SPTB: variants seen among roughly 807,000 people sequenced by gnomAD.
SPTB encodes spectrin beta chain, erythrocytic.
A neutral mutation model predicts 256.2 loss-of-function variants in SPTB; 45 were observed. The ratio of observed to expected loss-of-function variants is 0.18; its 90% CI spans 0.14 to 0.23. The LOEUF is 0.23. SPTB is among the 10% of genes least tolerant of loss of function. The pLI is 1.00. For synonymous variants in SPTB, 1,231 were observed against 1,243.1 expected, an observed-to-expected ratio of 0.99 and a Z score of 0.21; for missense variants, 2,715 against 3,040.4, an observed-to-expected ratio of 0.89 and a Z score of 2.52.
At chr14:64,822,710 C>T (rs1482851982) in intron 2 of SPTB, among the ~76,000 whole-genome samples, 2 of 152,314 alleles carry the variant, frequency 1.3e-5, no homozygotes, top group Middle Eastern at 3.4e-3. Flanking sequence ...AGGCAGAGGG[C>T]AGGCCCCACC....
intron 8 of SPTB, among the ~76,000 whole-genome samples, chr14:64,800,340 T>C (rs2139623298): frequency 6.6e-6 from 1 of 152,358 alleles, no homozygotes; most frequent in Non-Finnish European, 1.5e-5. Flanking sequence ...TGAGAAATGG[T>C]ACCTATACTC....
chr14:64,877,110 C>T (rs1278206245), intron 1 of SPTB, among the ~76,000 whole-genome samples: 10 of 151,592 alleles, frequency 6.6e-5, no homozygotes, highest in African/African-American at 2.4e-4. Flanking sequence ...TCATCAAGCC[C>T]TCCTGGCCAC....
intron 2 of SPTB, among the ~76,000 whole-genome samples, chr14:64,822,401 C>CACACACAGAGCA (rs1555374137): frequency 7.3e-6 from 1 of 136,522 alleles, no homozygotes; most frequent in African/African-American, 2.9e-5. Flanking sequence ...CACACACACA[C>CACACACAGAGCA]AGAGAGATCT....
chr14:64,830,534 G>T lies in SPTB; in HGVS notation c.-51-7389C>A, dbSNP rs76389584. Among the ~76,000 whole-genome samples, 465 of 152,132 alleles carry T rather than the reference G, an allele frequency of 3.1e-3. 3 individuals carry two copies. Among genetic ancestry groups the T allele is most frequent in the African/African-American group, 0.01 (432 of 41,504 alleles). Reference sequence around the variant, plus strand: ...TGACCCACGCACTCAGTTATCCCATGTACATGTATTGAGTGTTTATTCAAT... The same window carrying T: ...TGACCCACGCACTCAGTTATCCCATTTACATGTATTGAGTGTTTATTCAAT... On this transcript the variant is annotated intron_variant, in intron 1 of 35. Transcript: ENST00000644917.
intron 1 of SPTB, among the ~76,000 whole-genome samples, chr14:64,850,393 T>A (rs915529617): frequency 6.6e-6 from 1 of 152,228 alleles, no homozygotes; most frequent in Non-Finnish European, 1.5e-5. Context: ...AGAACCACTG[T>A]AGTTGATTCA....
chr14:64,776,128 G>T (rs1230135869), intron 22 of SPTB, among the ~76,000 whole-genome samples: 1 of 152,054 alleles, frequency 6.6e-6, no homozygotes, highest in Admixed American at 6.6e-5. Flanking sequence ...TGGTGTGTGG[G>T]CTCCTGAGCT....
intron 1 of SPTB, among the ~76,000 whole-genome samples, chr14:64,854,393 C>T (rs1391394278): frequency 1.4e-5 from 2 of 147,948 alleles, no homozygotes; most frequent in Non-Finnish European, 3.0e-5. Context: ...ATTCTCCTGC[C>T]TCAGCCTCCC....
At chr14:64,768,568 C>A (rs34121764) in intron 29 of SPTB, among the ~76,000 whole-genome samples, 2 of 152,222 alleles carry the variant, frequency 1.3e-5, no homozygotes, top group African/African-American at 4.8e-5. Context: ...CAGCACCCAG[C>A]TGAAGGACGA....
intron 1 of SPTB, among the ~76,000 whole-genome samples, chr14:64,834,592 A>C (rs1280710392): frequency 6.6e-6 from 1 of 151,904 alleles, no homozygotes; most frequent in Non-Finnish European, 1.5e-5. Flanking sequence ...CACTTGGCTA[A>C]TTTTTGTATG....
intron 33 of SPTB, 97 bp downstream of exon 33, chr14:64,753,440 C>A: frequency 6.3e-7 from 1 of 1,587,622 alleles, no homozygotes; most frequent in Non-Finnish European, 8.6e-7. Flanking sequence ...AGGCACCCCT[C>A]CCCCAGCACA....
intron 32 of SPTB, among the ~76,000 whole-genome samples, chr14:64,763,293 C>T (rs1463718723): frequency 1.3e-5 from 2 of 152,240 alleles, no homozygotes; most frequent in African/African-American, 4.8e-5. Context: ...TGCCCACTGC[C>T]GAGGGCTCCC....
rs1433322481 is a variant in SPTB, at chr14:64,795,739, G to A, written c.1342-100C>T. The stretch of plus-strand genomic sequence containing the variant: ...GCTCCCTTCAGAACCAGTGCTAGAT[G>A]GGAAAGCACATTCCCAAGAAGCAGC... On this transcript the variant is annotated intron_variant, in intron 11 of 35. Transcript: ENST00000644917. This position sits in a 1 kb window ranked among gnomAD's most constrained non-coding sequence, Gnocchi z 6.5. The A allele has an allele frequency of 3.2e-6, 4 of 1,241,012 alleles. No homozygotes were observed. In the African/African-American group the frequency reaches 4.4e-5, roughly 14 times the overall value. 76.9% of individuals were successfully genotyped at this position (1,241,012 alleles called of 1,614,324 possible).
At chr14:64,849,963 T>C (rs1388623105) in intron 1 of SPTB, among the ~76,000 whole-genome samples, 1 of 152,162 alleles carries the variant, frequency 6.6e-6, no homozygotes, top group Non-Finnish European at 1.5e-5. Context: ...TGGCAGAGCT[T>C]AAAGCTGCAG....
Position 64,749,741 on chromosome 14 carries a change from G to A in SPTB, c.6777-45C>T, listed in dbSNP as rs546165250. 389 of 1,605,368 alleles carry A rather than the reference G, an allele frequency of 2.4e-4. 1 individual carries two copies. Among genetic ancestry groups the A allele is most frequent in the Admixed American group, 6.6e-4 (39 of 58,768 alleles). ...CCTGTCATGGAGACACCTCTGGAGGGGGCGCTGGGCAGAGGGCTGGCTCTG... is the reference window on the plus strand; with the variant it reads ...CCTGTCATGGAGACACCTCTGGAGGAGGCGCTGGGCAGAGGGCTGGCTCTG... On this transcript the variant is annotated intron_variant, in intron 34 of 35. Coordinates refer to ENST00000644917, the MANE Select transcript of SPTB (RefSeq NM_001355436.2). This position sits in a 1 kb window ranked among gnomAD's most constrained non-coding sequence, Gnocchi z 4.7.
chr14:64,776,246 C>G (rs1295785851), intron 22 of SPTB, among the ~76,000 whole-genome samples: 1 of 152,170 alleles, frequency 6.6e-6, no homozygotes, highest in African/African-American at 2.4e-5. Flanking sequence ...CAGTGATGGC[C>G]AGCATTTAAA....
chr14:64,838,509 T>C (rs1158185920), intron 1 of SPTB, among the ~76,000 whole-genome samples: 1 of 152,192 alleles, frequency 6.6e-6, no homozygotes, highest in African/African-American at 2.4e-5. Flanking sequence ...AAAGTAGTTG[T>C]ATTCAGAATA....
Position 64,767,873 on chromosome 14 carries a change from C to G in SPTB, c.6023-14G>C. 6.2e-7 allele frequency: 1 copy of G among 1,613,196 alleles called. No individual in the cohort carries two copies. The highest frequency in any genetic ancestry group is 8.5e-7 in the Non-Finnish European group (1 of 1,179,728). ...ACACCTCCAGCACTGCCAGGGGGAACAGGACACAGACCCCCCACAAGGCCC... is the reference window on the plus strand; with the variant it reads ...ACACCTCCAGCACTGCCAGGGGGAAGAGGACACAGACCCCCCACAAGGCCC... On this transcript the variant is annotated splice_polypyrimidine_tract_variant and intron_variant, in intron 29 of 35. Transcript: ENST00000644917.
At chr14:64,750,197 G>GTATC (rs2081923722) in intron 33 of SPTB, 43 bp from the exon 34 acceptor site, 1 of 1,598,112 alleles carries the variant, frequency 6.3e-7, no homozygotes, top group African/African-American at 1.3e-5. Context: ...TCCTGATATG[G>GTATC]TATCTCTAGA....
intron 32 of SPTB, among the ~76,000 whole-genome samples, chr14:64,765,019 T>TGTGTGC (rs1374931597): frequency 6.7e-5 from 7 of 103,858 alleles, no homozygotes; most frequent in Admixed American, 1.1e-4. Context: ...CACAGAGGAG[T>TGTGTGC]GTGTGCGTGT....
Sources: allele counts gnomAD v4.1 joint callset (sites outside exome capture counted in the v4.1 genomes callset), GRCh38; gene constraint gnomAD v4.1.1; non-coding constraint Gnocchi (gnomAD v3.1); transcripts MANE v1.5; gene names NCBI Gene and HGNC (gene_info 2026-07-23, HGNC 2026-07-21).